Variants in GALNTL6 observed in about 807,000 individuals in gnomAD.
The protein encoded by GALNTL6 is polypeptide N-acetylgalactosaminyltransferase like 6, also known as polypeptide N-acetylgalactosaminyltransferase-like 6.
GALNTL6 carries 46 observed loss-of-function variants against 73.7 expected under a neutral mutation model. The ratio of observed to expected loss-of-function variants is 0.62; its 90% CI spans 0.49 to 0.80. The LOEUF is 0.80. GALNTL6 is among the 30% of genes least tolerant of loss of function. GALNTL6 has a pLI of 0.00. For synonymous variants in GALNTL6, 259 were observed against 263.7 expected, an observed-to-expected ratio of 0.98 and a Z score of 0.17; for missense variants, 604 against 755.0, an observed-to-expected ratio of 0.80 and a Z score of 2.34.
At chr4:172,709,501 T>C (rs561335819) in intron 5 of GALNTL6, among the ~76,000 whole-genome samples, 178 of 152,284 alleles carry the variant, frequency 1.2e-3, no homozygotes, top group African/African-American at 4.1e-3. Flanking sequence ...GAGAAACAGC[T>C]GAGGCTGAGC....
intron 2 of GALNTL6, among the ~76,000 whole-genome samples, chr4:172,189,624 C>T (rs1331577762): frequency 6.6e-6 from 1 of 152,116 alleles, no homozygotes; most frequent in African/African-American, 2.4e-5. Context: ...TAAATTCTTT[C>T]ATTAGTCACA....
At chr4:172,660,877 G>A (rs2111178455) in intron 5 of GALNTL6, among the ~76,000 whole-genome samples, 1 of 152,260 alleles carries the variant, frequency 6.6e-6, no homozygotes, top group East Asian at 1.9e-4. Flanking sequence ...TTTAAAATAA[G>A]TCCTAATAAC....
intron 8 of GALNTL6, among the ~76,000 whole-genome samples, chr4:172,925,021 G>T (rs796212715): frequency 3.3e-5 from 5 of 152,106 alleles, no homozygotes; most frequent in African/African-American, 1.2e-4. Flanking sequence ...ACAGGTGCCT[G>T]CCACCACGCC....
At chr4:172,746,816 C>T (rs1737132565) in intron 5 of GALNTL6, among the ~76,000 whole-genome samples, 1 of 152,062 alleles carries the variant, frequency 6.6e-6, no homozygotes, top group Non-Finnish European at 1.5e-5. Flanking sequence ...TTCACCACTT[C>T]TGTTCAACAT....
intron 2 of GALNTL6, among the ~76,000 whole-genome samples, chr4:172,226,586 T>A (rs1366114555): frequency 7.5e-5 from 3 of 39,958 alleles, no homozygotes; most frequent in Non-Finnish European, 1.5e-4. Flanking sequence ...TGTGTCTGTG[T>A]GTCTGTGTGT....
At chr4:172,485,653 T>A (rs1395210942) in intron 5 of GALNTL6, among the ~76,000 whole-genome samples, 1 of 152,128 alleles carries the variant, frequency 6.6e-6, no homozygotes, top group East Asian at 1.9e-4. Context: ...AAAAATATAA[T>A]TTACATCATA....
chr4:172,088,843 C>A (rs1048400475), intron 2 of GALNTL6, among the ~76,000 whole-genome samples: 1 of 152,112 alleles, frequency 6.6e-6, no homozygotes, highest in African/African-American at 2.4e-5. Flanking sequence ...GCCAGAGAGA[C>A]CTTGCAACTA....
At chr4:172,779,562 C>T (rs75892294) in intron 5 of GALNTL6, among the ~76,000 whole-genome samples, 2,063 of 152,234 alleles carry the variant, frequency 0.014, 40 homozygotes, top group African/African-American at 0.046. Context: ...GTCCCTTTCT[C>T]ATTAATGTAA....
chr4:172,053,529 G>T (rs2110863789), intron 2 of GALNTL6, among the ~76,000 whole-genome samples: 1 of 152,134 alleles, frequency 6.6e-6, no homozygotes, highest in East Asian at 1.9e-4. Context: ...AGGGACTGCT[G>T]AAAAAGACAG....
intron 2 of GALNTL6, among the ~76,000 whole-genome samples, chr4:172,092,861 ATT>A (rs200326073): frequency 1.6e-4 from 23 of 146,076 alleles, no homozygotes; most frequent in African/African-American, 5.3e-4. Flanking sequence ...GCTAAAGCTA[ATT>A]TTTTTTCTTT....
chr4:172,876,390 C>T (rs1199028186), intron 7 of GALNTL6, among the ~76,000 whole-genome samples: 12 of 152,188 alleles, frequency 7.9e-5, no homozygotes, highest in Admixed American at 7.9e-4. Flanking sequence ...TATTCCTTTT[C>T]TACTAACTCT....
intron 2 of GALNTL6, among the ~76,000 whole-genome samples, chr4:172,045,564 C>G (rs1170386215): frequency 6.6e-6 from 1 of 151,710 alleles, no homozygotes; most frequent in Admixed American, 6.6e-5. Flanking sequence ...CCAAACACTC[C>G]ATACATACTT....
intron 8 of GALNTL6, among the ~76,000 whole-genome samples, chr4:172,897,828 T>C (rs1461636637): frequency 2.6e-5 from 4 of 152,348 alleles, no homozygotes; most frequent in Non-Finnish European, 5.9e-5. Context: ...TTTTGCCATT[T>C]TGGTGATGTT....
rs114931286 is a variant in GALNTL6 at position 172,057,286 on chromosome 4, T to G, written c.139-172370T>G. On this transcript the variant is annotated intron_variant, in intron 2 of 12. Coordinates refer to ENST00000506823, the MANE Select transcript of GALNTL6 (RefSeq NM_001034845.3). ...AAAATTAGCCAGTTGTAGTGGTGCA[T>G]GCATATACTCCCAGCTACTCGAGAG... 5.7e-3 allele frequency among the ~76,000 whole-genome samples: 867 copies of G among 151,974 alleles called. 4 individuals carry two copies. The highest frequency in any genetic ancestry group is 0.015 in the African/African-American group (608 of 41,454).
chr4:172,123,396 T>A (rs997921338), intron 2 of GALNTL6, among the ~76,000 whole-genome samples: 1 of 145,272 alleles, frequency 6.9e-6, no homozygotes, highest in African/African-American at 2.6e-5. Context: ...AAACAGACTT[T>A]ACCAAATTGC....
chr4:172,028,210 A>G (rs1396750037), intron 2 of GALNTL6, among the ~76,000 whole-genome samples: 1 of 152,090 alleles, frequency 6.6e-6, no homozygotes, highest in Non-Finnish European at 1.5e-5. Context: ...CCAAAATAAT[A>G]AAGATGAAAA....
intron 5 of GALNTL6, among the ~76,000 whole-genome samples, chr4:172,759,038 T>A (rs1737915655): frequency 6.6e-6 from 1 of 152,234 alleles, no homozygotes; most frequent in Non-Finnish European, 1.5e-5. Flanking sequence ...TCTAGGAGGT[T>A]CAACTTATTG....
At chr4:172,702,959 T>C (rs1734114242) in intron 5 of GALNTL6, among the ~76,000 whole-genome samples, 1 of 151,952 alleles carries the variant, frequency 6.6e-6, no homozygotes, top group East Asian at 1.9e-4. Flanking sequence ...TTCTAGTTAT[T>C]TTTATGTATA....
At chr4:171,896,600 C>A (rs1423847053) in intron 2 of GALNTL6, among the ~76,000 whole-genome samples, 1 of 152,188 alleles carries the variant, frequency 6.6e-6, no homozygotes, top group Non-Finnish European at 1.5e-5. Context: ...AGCACGTTCT[C>A]ACTGTGCCTT....
Sources: allele counts gnomAD v4.1 joint callset (sites outside exome capture counted in the v4.1 genomes callset), GRCh38; gene constraint gnomAD v4.1.1; transcripts MANE v1.5; gene names NCBI Gene and HGNC (gene_info 2026-07-23, HGNC 2026-07-21).